Variants in MAML2 observed in about 807,000 individuals in gnomAD.
MAML2 encodes mastermind like transcriptional coactivator 2, also known as mastermind-like protein 2.
Under a neutral mutation model 96.1 loss-of-function variants are expected in MAML2, and 22 were observed. That is an observed-to-expected ratio of 0.23 (90% confidence interval 0.16 to 0.33). MAML2 has a LOEUF of 0.33. MAML2 is among the 10% of genes least tolerant of loss of function. The pLI is 1.00. For missense variants in MAML2, 1,367 were observed against 1,392.4 expected, an observed-to-expected ratio of 0.98 and a Z score of 0.29; for synonymous variants, 561 against 521.3, an observed-to-expected ratio of 1.08 and a Z score of -1.04.
At chr11:95,985,281 A>AT (rs1156736881) in intron 4 of MAML2, among the ~76,000 whole-genome samples, 1 of 152,228 alleles carries the variant, frequency 6.6e-6, no homozygotes, top group Non-Finnish European at 1.5e-5. Flanking sequence ...ACAGAAAAAT[A>AT]TTTAGCTCTT....
intron 2 of MAML2, among the ~76,000 whole-genome samples, chr11:96,082,846 C>T (rs1348939483): frequency 6.6e-6 from 1 of 152,104 alleles, no homozygotes; most frequent in Non-Finnish European, 1.5e-5. Flanking sequence ...GCAGTGGTGT[C>T]GGCAGTAGCA....
chr11:96,142,492 A>G lies in MAML2; in HGVS notation c.514-48975T>C, dbSNP rs560450019. Among the ~76,000 whole-genome samples, 8 of 152,342 alleles carry G rather than the reference A, an allele frequency of 5.3e-5. No homozygotes were observed. In the South Asian group the frequency reaches 1.5e-3, roughly 28 times the overall value. On this transcript the variant is annotated intron_variant, in intron 1 of 4. Transcript: ENST00000524717. ...AAATACCATGGTAAGCGTAAATGAC[A>G]TGGAGATCTAAGATCTCATAACCCT...
At chr11:96,167,639 A>G (rs1193662103) in intron 1 of MAML2, among the ~76,000 whole-genome samples, 1 of 152,162 alleles carries the variant, frequency 6.6e-6, no homozygotes, top group Non-Finnish European at 1.5e-5. Flanking sequence ...TTACTCCTCC[A>G]GGCTGTGTGC....
At chr11:96,223,647 G>T (rs1019877224) in intron 1 of MAML2, among the ~76,000 whole-genome samples, 2 of 151,246 alleles carry the variant, frequency 1.3e-5, no homozygotes, top group African/African-American at 4.9e-5. Context: ...GAGATTTGTT[G>T]TACAGATAAT....
chr11:95,984,100 A>G (rs1565180860), intron 4 of MAML2, among the ~76,000 whole-genome samples: 1 of 152,038 alleles, frequency 6.6e-6, no homozygotes, highest in Non-Finnish European at 1.5e-5. Context: ...ATTTTACTGT[A>G]CCTTTTCTAT....
At chr11:96,059,291 A>G (rs1170511094) in intron 2 of MAML2, among the ~76,000 whole-genome samples, 1 of 152,234 alleles carries the variant, frequency 6.6e-6, no homozygotes, top group Non-Finnish European at 1.5e-5. Flanking sequence ...TTTATACTTC[A>G]TAATAGCACT....
chr11:96,275,929 C>T (rs556310247), intron 1 of MAML2, among the ~76,000 whole-genome samples: 14 of 152,230 alleles, frequency 9.2e-5, no homozygotes, highest in African/African-American at 3.4e-4. Flanking sequence ...TACTTCCAAG[C>T]TCCAGGAACT....
intron 1 of MAML2, among the ~76,000 whole-genome samples, chr11:96,324,715 A>C (rs1863750998): frequency 6.6e-6 from 1 of 152,230 alleles, no homozygotes; most frequent in Non-Finnish European, 1.5e-5. Flanking sequence ...GAATGGATTC[A>C]AAATCACTTC....
chr11:95,978,920 A>C lies in MAML2; in HGVS notation c.*28T>G, dbSNP rs1346062081. 1 of 1,570,818 alleles carries C rather than the reference A, an allele frequency of 6.4e-7. No homozygotes were observed. Among genetic ancestry groups the C allele is most frequent in the Admixed American group, 1.8e-5 (1 of 54,544 alleles). On this transcript the variant is annotated 3_prime_UTR_variant, in exon 5 of 5. Transcript: ENST00000524717. ...TAATATACTGCCTTTTAGTGCTTGGAGTTTGTAAATTGTCTTCCCTTTCTT... is the reference window on the plus strand; with the variant it reads ...TAATATACTGCCTTTTAGTGCTTGGCGTTTGTAAATTGTCTTCCCTTTCTT...
chr11:96,155,631 G>T (rs1293888790), intron 1 of MAML2, among the ~76,000 whole-genome samples: 3 of 146,888 alleles, frequency 2.0e-5, no homozygotes, highest in Non-Finnish European at 4.5e-5. Context: ...ACAGTGCTTT[G>T]TTTCTACTAA....
intron 1 of MAML2, among the ~76,000 whole-genome samples, chr11:96,139,329 T>A (rs1294280436): frequency 6.6e-6 from 1 of 151,864 alleles, no homozygotes; most frequent in Non-Finnish European, 1.5e-5. Context: ...TACAAAAAAT[T>A]AGCCGGGCGT....
At chr11:96,318,944 C>A (rs1411735328) in intron 1 of MAML2, among the ~76,000 whole-genome samples, 1 of 152,182 alleles carries the variant, frequency 6.6e-6, no homozygotes, top group Non-Finnish European at 1.5e-5. Flanking sequence ...GATGCCTACT[C>A]CCTGGTACTC....
intron 1 of MAML2, among the ~76,000 whole-genome samples, chr11:96,171,157 C>T (rs182733285): frequency 6.6e-6 from 1 of 151,944 alleles, no homozygotes; most frequent in African/African-American, 2.4e-5. Flanking sequence ...GATGGTGGGA[C>T]CAGAAAGAGG....
chr11:96,009,765 C>T (rs1366901254), intron 2 of MAML2, among the ~76,000 whole-genome samples: 1 of 152,192 alleles, frequency 6.6e-6, no homozygotes, highest in Non-Finnish European at 1.5e-5. Context: ...AATAATAATT[C>T]ACAATGTTGT....
chr11:96,063,249 C>T (rs1315824249), intron 2 of MAML2, among the ~76,000 whole-genome samples: 1 of 152,132 alleles, frequency 6.6e-6, no homozygotes, highest in African/African-American at 2.4e-5. Flanking sequence ...CCTTCCTTAA[C>T]CTCAGAGTTA....
chr11:96,133,472 C>T (rs1591031726), intron 1 of MAML2, among the ~76,000 whole-genome samples: 1 of 152,266 alleles, frequency 6.6e-6, no homozygotes, highest in Middle Eastern at 3.4e-3. Flanking sequence ...AGCCCGTATA[C>T]AGTCATTACA....
chr11:96,250,515 A>AT, intron 1 of MAML2, among the ~76,000 whole-genome samples: 1 of 152,194 alleles, frequency 6.6e-6, no homozygotes. Flanking sequence ...TCTAGCTGTA[A>AT]TTTTGTATCA....
intron 1 of MAML2, among the ~76,000 whole-genome samples, chr11:96,209,596 AC>A (rs1861939952): frequency 1.9e-4 from 8 of 42,398 alleles, no homozygotes; most frequent in African/African-American, 5.2e-4. Flanking sequence ...AAACAAACAA[AC>A]AAACAAACAA....
At chr11:96,237,151 C>G (rs566791112) in intron 1 of MAML2, among the ~76,000 whole-genome samples, 1 of 152,248 alleles carries the variant, frequency 6.6e-6, no homozygotes, top group Admixed American at 6.5e-5. Flanking sequence ...CTCCCTTGTC[C>G]GGTCCCCTCC....
Sources: allele counts gnomAD v4.1 joint callset (sites outside exome capture counted in the v4.1 genomes callset), GRCh38; gene constraint gnomAD v4.1.1; transcripts MANE v1.5; gene names NCBI Gene and HGNC (gene_info 2026-07-23, HGNC 2026-07-21).